The following EXOSC6 variants were observed in gnomAD, a reference collection of about 807,000 sequenced individuals.
The protein encoded by EXOSC6 is exosome complex component MTR3.
Under a neutral mutation model 16.7 loss-of-function variants are expected in EXOSC6, and 21 were observed. The observed-to-expected ratio is 1.26, with a 90% confidence interval of 0.89 to 1.82. EXOSC6 has a LOEUF of 1.82. EXOSC6 is among the 40% of genes most tolerant of loss of function. The pLI is 0.00. For missense variants in EXOSC6, 538 were observed against 415.7 expected (o/e 1.29, Z -2.56); for synonymous variants, 297 against 217.1 (o/e 1.37, Z -3.24).
rs904460580 is a variant in EXOSC6, at chr16:70,248,442, A to G, written c.*2640T>C. On this transcript the variant is annotated 3_prime_UTR_variant, in exon 1 of 1. Coordinates refer to ENST00000435634, the MANE Select transcript of EXOSC6 (RefSeq NM_058219.3). ...AGGTATTTATTTTACTGGTGCATCT[A>G]TCTTTCTATGAATGTGAGAATTTTC... The G allele has an allele frequency of 9.9e-5, 15 of 152,122 alleles. No homozygotes were observed. Among genetic ancestry groups the G allele is most frequent in the Admixed American group, 6.6e-4 (10 of 15,266 alleles). The allele number at this position is 152,122 out of a possible 1,614,324, so 9.4% of individuals were successfully genotyped here.
Position 70,251,249 on chromosome 16 carries a change from CA to C in EXOSC6, c.651del (p.Val218CysfsTer2). The C allele has an allele frequency of 6.7e-7, 1 of 1,483,108 alleles. No individual in the cohort carries two copies. Among genetic ancestry groups the C allele is most frequent in the Non-Finnish European group, 8.9e-7 (1 of 1,122,474 alleles). 91.9% of individuals were successfully genotyped at this position (1,483,108 alleles called of 1,614,324 possible). Reference sequence around the variant, plus strand: ...AGCAGCCCGGCCACCTGATTCAGCACAGGCATGAGCGCCACGGTGAGGCCGG... The same window carrying C: ...AGCAGCCCGGCCACCTGATTCAGCACGGCATGAGCGCCACGGTGAGGCCGG... ...AAAGLTVALM[P>X]VLNQVAGLLG... On this transcript the variant is annotated frameshift_variant, in exon 1 of 1. Coordinates refer to ENST00000435634, the MANE Select transcript of EXOSC6 (RefSeq NM_058219.3). LOFTEE classifies it high-confidence loss of function.
Position 70,248,080 on chromosome 16 carries a change from T to C in EXOSC6, c.*3002A>G, listed in dbSNP as rs1312303795. Reference sequence around the variant, plus strand: ...AAAAAAAAAGAGAAAAAGAAAACCATTATTTTGCAATAGCCAATGTTATAA... The same window carrying C: ...AAAAAAAAAGAGAAAAAGAAAACCACTATTTTGCAATAGCCAATGTTATAA... On this transcript the variant is annotated 3_prime_UTR_variant, in exon 1 of 1. Coordinates refer to ENST00000435634, the MANE Select transcript of EXOSC6 (RefSeq NM_058219.3). 6.6e-6 allele frequency: 1 copy of C among 152,018 alleles called. No individual in the cohort carries two copies. The highest frequency in any genetic ancestry group is 1.5e-5 in the Non-Finnish European group (1 of 68,022). 9.4% of individuals were successfully genotyped at this position (152,018 alleles called of 1,614,324 possible).
At position 70,250,856 on chromosome 16, in the gene EXOSC6, C is replaced by A. The variant is rs987300907; in HGVS notation, c.*226G>T. The A allele has an allele frequency of 4.5e-5, 21 of 469,172 alleles. No individual in the cohort carries two copies. The highest frequency in any genetic ancestry group is 7.1e-5 in the Non-Finnish European group (20 of 281,218). The allele number at this position is 469,172 out of a possible 1,614,324, so 29.1% of individuals were successfully genotyped here. A position where few individuals can be genotyped will look rare whatever the true frequency, so the allele number is the denominator to read the frequency against. ...CAGGTAATTTCAGGGTCCAGCTCCA[C>A]CACAAGCGCAGCTCCAGGGGCTGTT... On this transcript the variant is annotated 3_prime_UTR_variant, in exon 1 of 1. Transcript: ENST00000435634.
Position 70,249,387 on chromosome 16 carries a change from G to A in EXOSC6, c.*1695C>T, listed in dbSNP as rs1395707446. 4.8e-5 allele frequency: 7 copies of A among 145,094 alleles called. No homozygotes were observed. The East Asian group carries it at 1.4e-3, about 28-fold the overall frequency. The allele number at this position is 145,094 out of a possible 1,614,324, so 9.0% of individuals were successfully genotyped here. On this transcript the variant is annotated 3_prime_UTR_variant, in exon 1 of 1. Transcript: ENST00000435634. Reference sequence around the variant, plus strand: ...CACTCCAGGCTGGACAACAGAGCAAGACTCCGCATCAAAAAAAAAAAAAAG... The same window carrying A: ...CACTCCAGGCTGGACAACAGAGCAAAACTCCGCATCAAAAAAAAAAAAAAG...
rs774275507 is a variant in EXOSC6 at position 70,251,116 on chromosome 16, G to A, written c.785C>T (p.Ala262Val). The change falls in exon 1 of 1, where the codon GCC (alanine) becomes GTC (valine). Residue 262 changes from alanine to valine, a missense_variant. Coordinates refer to ENST00000435634, the MANE Select transcript of EXOSC6 (RefSeq NM_058219.3). Reference protein sequence around the residue: ...YPVLQQSLVRAARRRGAAAQP With the variant: ...YPVLQQSLVRVARRRGAAAQP ...GGCGGCGGCGCCCCTGCGGCGGGCGGCCCGCACCAGGCTCTGCTGCAGCAC... is the reference window on the plus strand; with the variant it reads ...GGCGGCGGCGCCCCTGCGGCGGGCGACCCGCACCAGGCTCTGCTGCAGCAC... The A allele has an allele frequency of 1.3e-6, 2 of 1,509,990 alleles. No individual in the cohort carries two copies. The highest frequency in any genetic ancestry group is 1.8e-6 in the Non-Finnish European group (2 of 1,141,856). The allele number at this position is 1,509,990 out of a possible 1,614,324, so 93.5% of individuals were successfully genotyped here. A position where few individuals can be genotyped will look rare whatever the true frequency, so the allele number is the denominator to read the frequency against.
rs1278310627 is a variant in EXOSC6 at position 70,251,124 on chromosome 16, C to A, written c.777G>T (p.Leu259=). 1 of 1,524,740 alleles carries A rather than the reference C, an allele frequency of 6.6e-7. No individual in the cohort carries two copies. Among genetic ancestry groups the A allele is most frequent in the Non-Finnish European group, 8.7e-7 (1 of 1,147,988 alleles). 94.5% of individuals were successfully genotyped at this position (1,524,740 alleles called of 1,614,324 possible). A position where few individuals can be genotyped will look rare whatever the true frequency, so the allele number is the denominator to read the frequency against. ...QRLYPVLQQS[L]VRAARRRGAA... The stretch of plus-strand genomic sequence containing the variant: ...CGCCCCTGCGGCGGGCGGCCCGCAC[C>A]AGGCTCTGCTGCAGCACGGGGTAGA... Residue 259 remains leucine, a synonymous_variant, in exon 1 of 1, where the codon CTG becomes CTT. Transcript: ENST00000435634.
At position 70,251,897 on chromosome 16, in the gene EXOSC6, G is replaced by A. The variant is rs1182731590; in HGVS notation, c.4C>T (p.Pro2Ser). MPGDHRRIRGPE... is the reference protein window; with the variant it reads MSGDHRRIRGPE... ...CCGCGGATGCGGCGGTGATCCCCAG[G>A]CATGGCGGTTCTTGGCGTGCGAACC... Residue 2 changes from proline (P) to serine (S), a missense_variant, in exon 1 of 1, where the codon CCT (proline) becomes TCT (serine). Pro to Ser is a moderately conservative substitution (Grantham distance 74, BLOSUM62 -1). Coordinates refer to ENST00000435634, the MANE Select transcript of EXOSC6 (RefSeq NM_058219.3). The A allele has an allele frequency of 2.0e-6, 3 of 1,533,838 alleles. No homozygotes were observed. Among genetic ancestry groups the A allele is most frequent in the East Asian group, 2.7e-5 (1 of 37,632 alleles).
At position 70,250,845 on chromosome 16, in the gene EXOSC6, G is replaced by A. The variant is rs1384178369; in HGVS notation, c.*237C>T. On this transcript the variant is annotated 3_prime_UTR_variant, in exon 1 of 1. Transcript: ENST00000435634. ...AAAAAAAGGTCCAGGTAATTTCAGG[G>A]TCCAGCTCCACCACAAGCGCAGCTC... The A allele has an allele frequency of 1.1e-5, 5 of 443,548 alleles. No individual in the cohort carries two copies. The highest frequency in any genetic ancestry group is 1.9e-5 in the Non-Finnish European group (5 of 259,670). The allele number at this position is 443,548 out of a possible 1,614,324, so 27.5% of individuals were successfully genotyped here.
chr16:70,251,877 G>C lies in EXOSC6; in HGVS notation c.24C>G (p.Ile8Met), dbSNP rs543954936. The change falls in exon 1 of 1, where the codon ATC (isoleucine) becomes ATG (methionine). Residue 8 changes from isoleucine (I) to methionine (M), a missense_variant. By Grantham distance (10) the Ile-to-Met change is conservative (BLOSUM62 1). Transcript: ENST00000435634. ...GCGGCTGCGATTCTTCAGGGCCGCG[G>C]ATGCGGCGGTGATCCCCAGGCATGG... The part of the protein sequence containing the change: MPGDHRR[I>M]RGPEESQPPQ... 1.2e-5 allele frequency: 19 copies of C among 1,547,828 alleles called. No individual in the cohort carries two copies. In the South Asian group the frequency reaches 1.3e-4, roughly 10 times the overall value.
In EXOSC6 at chr16:70,251,217, G is replaced by A. The variant is rs763651944; in HGVS notation, c.684C>T (p.Ser228=). 11 of 1,507,734 alleles carry A rather than the reference G, an allele frequency of 7.3e-6. No homozygotes were observed. In the South Asian group the frequency reaches 1.2e-4, roughly 17 times the overall value. The allele number at this position is 1,507,734 out of a possible 1,614,324, so 93.4% of individuals were successfully genotyped here. Reference sequence around the variant, plus strand: ...AGCTCTCTGTCAGGCCGCCCTCGCCGCTGCCCAGCAGCCCGGCCACCTGAT... The same window carrying A: ...AGCTCTCTGTCAGGCCGCCCTCGCCACTGCCCAGCAGCCCGGCCACCTGAT... ...VLNQVAGLLG[S]GEGGLTESWA... The change falls in exon 1 of 1, where the codon AGC becomes AGT. Residue 228 remains serine (S), a synonymous_variant. Coordinates refer to ENST00000435634, the MANE Select transcript of EXOSC6 (RefSeq NM_058219.3).
At position 70,247,067 on chromosome 16, in the gene EXOSC6, GA is replaced by G; in HGVS notation, c.*4014del. ...CATAAAAAACTGAGTATGAGACCAAGAAAAATAGATTCTGTAGTTTTAGTTA... is the reference window on the plus strand; with the variant it reads ...CATAAAAAACTGAGTATGAGACCAAGAAAATAGATTCTGTAGTTTTAGTTA... On this transcript the variant is annotated 3_prime_UTR_variant, in exon 1 of 1. Transcript: ENST00000435634. The G allele has an allele frequency of 2.8e-6, 1 of 358,220 alleles. No homozygotes were observed. The highest frequency in any genetic ancestry group is 5.3e-6 in the Non-Finnish European group (1 of 188,892). The allele number at this position is 358,220 out of a possible 1,614,324, so 22.2% of individuals were successfully genotyped here.
rs747021297 is a variant in EXOSC6, at chr16:70,251,471, G to C, written c.430C>G (p.Leu144Val). 21 of 1,328,580 alleles carry C rather than the reference G, an allele frequency of 1.6e-5. 1 individual carries two copies. The highest frequency in any genetic ancestry group is 3.8e-5 in the South Asian group (2 of 52,590). The allele number at this position is 1,328,580 out of a possible 1,614,324, so 82.3% of individuals were successfully genotyped here. Reference protein sequence around the residue: ...VRLGRYPRAQLEVSALLLEDG... With the variant: ...VRLGRYPRAQVEVSALLLEDG... ...TCCAGCAGCAGCGCCGACACCTCGA[G>C]CTGCGCGCGCGGGTAGCGGCCCAGG... The change falls in exon 1 of 1, where the codon CTC becomes GTC. Residue 144 changes from leucine (L) to valine (V), a missense_variant. By Grantham distance (32) the Leu-to-Val change is conservative. Transcript: ENST00000435634.
At position 70,248,078 on chromosome 16, in the gene EXOSC6, CA is replaced by C. The variant is rs1959728118; in HGVS notation, c.*3003del. On this transcript the variant is annotated 3_prime_UTR_variant, in exon 1 of 1. Coordinates refer to ENST00000435634, the MANE Select transcript of EXOSC6 (RefSeq NM_058219.3). ...TCAAAAAAAAAGAGAAAAAGAAAAC[CA>C]TTATTTTGCAATAGCCAATGTTATA... 1 of 151,726 alleles carries C rather than the reference CA, an allele frequency of 6.6e-6. No homozygotes were observed. Among genetic ancestry groups the C allele is most frequent in the Non-Finnish European group, 1.5e-5 (1 of 67,966 alleles). 9.4% of individuals were successfully genotyped at this position (151,726 alleles called of 1,614,324 possible).
Position 70,251,017 on chromosome 16 carries a change from G to T in EXOSC6, c.*65C>A, listed in dbSNP as rs550888671. 1.4e-6 allele frequency: 2 copies of T among 1,420,604 alleles called. No individual in the cohort carries two copies. The highest frequency in any genetic ancestry group is 5.5e-5 in the East Asian group (2 of 36,270). 88.0% of individuals were successfully genotyped at this position (1,420,604 alleles called of 1,614,324 possible). The stretch of plus-strand genomic sequence containing the variant: ...ACGCAAACTGGAGGCCGATGGCGCG[G>T]GTCTTTTCGTGGACGGCGGCAGCAC... On this transcript the variant is annotated 3_prime_UTR_variant, in exon 1 of 1. Coordinates refer to ENST00000435634, the MANE Select transcript of EXOSC6 (RefSeq NM_058219.3).
Position 70,251,180 on chromosome 16 carries a change from C to A in EXOSC6, c.721G>T (p.Val241Leu). ...TGGCAGCCCTCGAGGCCCAGGCGTA[C>A]GGCCTCCGCCCAGCTCTCTGTCAGG... ...GGLTESWAEA[V>L]RLGLEGCQRL... The change falls in exon 1 of 1, where the codon GTA (valine) becomes TTA (leucine). Residue 241 changes from valine (V) to leucine (L), a missense_variant. Coordinates refer to ENST00000435634, the MANE Select transcript of EXOSC6 (RefSeq NM_058219.3). The A allele has an allele frequency of 6.6e-7, 1 of 1,522,826 alleles. No individual in the cohort carries two copies. The highest frequency in any genetic ancestry group is 8.7e-7 in the Non-Finnish European group (1 of 1,143,806). 94.3% of individuals were successfully genotyped at this position (1,522,826 alleles called of 1,614,324 possible). A position where few individuals can be genotyped will look rare whatever the true frequency, so the allele number is the denominator to read the frequency against.
In EXOSC6 at chr16:70,251,819, G is replaced by A. The variant is rs1959831596; in HGVS notation, c.82C>T (p.Pro28Ser). Residue 28 changes from proline (P) to serine (S), a missense_variant, in exon 1 of 1, where the codon CCC (proline) becomes TCC (serine). Coordinates refer to ENST00000435634, the MANE Select transcript of EXOSC6 (RefSeq NM_058219.3). ...AGCCGCGTTGGGTCGCGGGTGCCGG[G>A]CGCCTCCTCCTCGTCGGCCGCGTAC... is the stretch of plus-strand genomic sequence containing the variant. Reference protein sequence around the residue: ...QLYAADEEEAPGTRDPTRLRP... With the variant: ...QLYAADEEEASGTRDPTRLRP... 1.6e-5 allele frequency: 24 copies of A among 1,530,518 alleles called. No individual in the cohort carries two copies. The highest frequency in any genetic ancestry group is 3.9e-5 in the Admixed American group (2 of 50,786). 94.8% of individuals were successfully genotyped at this position (1,530,518 alleles called of 1,614,324 possible).
Position 70,251,881 on chromosome 16 carries a change from C to T in EXOSC6, c.20G>A (p.Arg7His). 1 of 1,545,684 alleles carries T rather than the reference C, an allele frequency of 6.5e-7. No individual in the cohort carries two copies. Among genetic ancestry groups the T allele is most frequent in the Admixed American group, 1.9e-5 (1 of 53,504 alleles). ...CTGCGATTCTTCAGGGCCGCGGATG[C>T]GGCGGTGATCCCCAGGCATGGCGGT... MPGDHR[R>H]IRGPEESQPP... is the part of the protein sequence containing the mutation. The change falls in exon 1 of 1, where the codon CGC becomes CAC. Residue 7 changes from arginine (R) to histidine (H), a missense_variant. Arg to His is a conservative substitution (Grantham distance 29, BLOSUM62 0). Transcript: ENST00000435634.
Position 70,249,725 on chromosome 16 carries a change from TG to T in EXOSC6, c.*1356del, listed in dbSNP as rs1320117083. 6.6e-6 allele frequency: 1 copy of T among 152,074 alleles called. No homozygotes were observed. The highest frequency in any genetic ancestry group is 2.4e-5 in the African/African-American group (1 of 41,404). The allele number at this position is 152,074 out of a possible 1,614,324, so 9.4% of individuals were successfully genotyped here. A position where few individuals can be genotyped will look rare whatever the true frequency, so the allele number is the denominator to read the frequency against. On this transcript the variant is annotated 3_prime_UTR_variant, in exon 1 of 1. Transcript: ENST00000435634. ...TATAACTTTGGGAGGCTGAGGCAGA[TG>T]GATCACTGAGATCAGGAGTTTGAGA...
Position 70,246,972 on chromosome 16 carries a change from C to T in EXOSC6, c.*4110G>A, listed in dbSNP as rs1427729874. The T allele has an allele frequency of 2.9e-4, 151 of 524,472 alleles. No homozygotes were observed. The highest frequency in any genetic ancestry group is 1.8e-4 in the Non-Finnish European group (49 of 271,216). 32.5% of individuals were successfully genotyped at this position (524,472 alleles called of 1,614,324 possible). Reference sequence around the variant, plus strand: ...CCCCCTCACCCCATGATCTGAAAAGCGAAATGAGGAATTCACCCTAAAATT... The same window carrying T: ...CCCCCTCACCCCATGATCTGAAAAGTGAAATGAGGAATTCACCCTAAAATT... On this transcript the variant is annotated 3_prime_UTR_variant, in exon 1 of 1. Transcript: ENST00000435634.
Sources: gnomAD v4.1 joint callset for allele counts on GRCh38, gnomAD v4.1.1 for gene constraint, MANE v1.5 for transcripts, NCBI Gene and HGNC (gene_info 2026-07-23, HGNC 2026-07-21) for gene names.